RANBP6: variants seen among roughly 807,000 people sequenced by gnomAD.
RANBP6 encodes RAN binding protein 6.
Under a neutral mutation model 35.3 loss-of-function variants are expected in RANBP6, and 10 were observed. The ratio of observed to expected loss-of-function variants is 0.28; its 90% CI spans 0.17 to 0.48. The LOEUF (loss-of-function observed/expected upper bound fraction) is 0.48, where lower values mean the gene tolerates loss of function less well. RANBP6 is among the 20% of genes least tolerant of loss of function. The pLI, the probability that RANBP6 is intolerant of heterozygous loss-of-function variation, is 0.99. For missense variants in RANBP6, 1,392 were observed against 1,307.7 expected, an observed-to-expected ratio of 1.06 and a Z score of -0.99; for synonymous variants, 514 against 464.2, an observed-to-expected ratio of 1.11 and a Z score of -1.38.
chr9:6,013,534 T>C lies in RANBP6; in HGVS notation c.2074A>G (p.Met692Val), dbSNP rs1376165594. Reference protein sequence around the residue: ...GLEAKATACQMLVYYAKELRE... With the variant: ...GLEAKATACQVLVYYAKELRE... ...AACTCCTTAGCATAGTAAACCAACATTTGGCAAGCAGTTGCTTTTGCTTCA... is the reference window on the plus strand; with the variant it reads ...AACTCCTTAGCATAGTAAACCAACACTTGGCAAGCAGTTGCTTTTGCTTCA... Residue 692 changes from methionine to valine, a missense_variant, in exon 1 of 1, where the codon ATG becomes GTG. By Grantham distance (21) the Met-to-Val change is conservative. Coordinates refer to ENST00000259569, the MANE Select transcript of RANBP6 (RefSeq NM_012416.4). The C allele has an allele frequency of 1.2e-6, 2 of 1,614,210 alleles. No homozygotes were observed. Among genetic ancestry groups the C allele is most frequent in the Admixed American group, 1.7e-5 (1 of 60,022 alleles).
In RANBP6 at chr9:6,011,422, A is replaced by G. The variant is rs577176462; in HGVS notation, c.*868T>C. Reference sequence around the variant, plus strand: ...AGGAAATTATTTGAAATAGAAATCAATTTAAGCCCTATAACTAGAGCTTTT... The same window carrying G: ...AGGAAATTATTTGAAATAGAAATCAGTTTAAGCCCTATAACTAGAGCTTTT... On this transcript the variant is annotated 3_prime_UTR_variant, in exon 1 of 1. Transcript: ENST00000259569. 1.2e-4 allele frequency: 18 copies of G among 152,298 alleles called. 1 individual carries two copies. Among genetic ancestry groups the G allele is most frequent in the African/African-American group, 4.1e-4 (17 of 41,568 alleles). 9.4% of individuals were successfully genotyped at this position (152,298 alleles called of 1,614,324 possible).
chr9:6,014,714 G>A lies in RANBP6; in HGVS notation c.894C>T (p.Ala298=). Residue 298 remains alanine (A), a synonymous_variant, in exon 1 of 1, where the codon GCC becomes GCT. Coordinates refer to ENST00000259569, the MANE Select transcript of RANBP6 (RefSeq NM_012416.4). The stretch of plus-strand genomic sequence containing the variant: ...TTGTATGTTTTTTCAACATCGGAGT[G>A]GCAGTTTCAGACAAGGTCACTATAA... ...LEVIVTLSET[A]TPMLKKHTNI... 1.2e-6 allele frequency: 2 copies of A among 1,614,144 alleles called. No homozygotes were observed. Among genetic ancestry groups the A allele is most frequent in the South Asian group, 1.1e-5 (1 of 91,090 alleles).
rs1842507589 is a variant in RANBP6 at position 6,013,245 on chromosome 9, A to G, written c.2363T>C (p.Met788Thr). 1.9e-6 allele frequency: 3 copies of G among 1,614,146 alleles called. No homozygotes were observed. Among genetic ancestry groups the G allele is most frequent in the Middle Eastern group, 1.6e-4 (1 of 6,062 alleles). Residue 788 changes from methionine to threonine, a missense_variant, in exon 1 of 1, where the codon ATG becomes ACG. Transcript: ENST00000259569. ...MNSFAKSIEV[M>T]GDGCLNDEHL... ...TTCATCATTAAGGCAACCATCTCCCATAACTTCAATGGACTTTGCAAAAGA... is the reference window on the plus strand; with the variant it reads ...TTCATCATTAAGGCAACCATCTCCCGTAACTTCAATGGACTTTGCAAAAGA...
chr9:6,012,336 T>A lies in RANBP6; in HGVS notation c.3272A>T (p.Asp1091Val), dbSNP rs765389002. Residue 1091 changes from aspartate (D) to valine (V), a missense_variant, in exon 1 of 1, where the codon GAT becomes GTT. Physicochemically the swap from Asp to Val is radical, Grantham distance 152. Transcript: ENST00000259569. The stretch of plus-strand genomic sequence containing the variant: ...CTGTAAGGCTTCCTGCTGTTCATCA[T>A]CAAGTTGTGATACACATTCCAACCA... ...DLWLECVSQL[D>V]DEQQEALQEL... 13 of 1,596,524 alleles carry A rather than the reference T, an allele frequency of 8.1e-6. No homozygotes were observed. The highest frequency in any genetic ancestry group is 5.4e-5 in the Admixed American group (3 of 55,218).
rs138275330 is a variant in RANBP6, at chr9:6,015,497, T to C, written c.111A>G (p.Ala37=). The C allele has an allele frequency of 6.2e-7, 1 of 1,613,964 alleles. No individual in the cohort carries two copies. Among genetic ancestry groups the C allele is most frequent in the Non-Finnish European group, 8.5e-7 (1 of 1,180,048 alleles). The change falls in exon 1 of 1, where the codon GCA becomes GCG. Residue 37 remains alanine, a synonymous_variant. Transcript: ENST00000259569. ...CTGGGATATTTTCATAGATTTCCTC[T>C]GCTTGCCTCCGCACCATACAGCTTG... is the stretch of plus-strand genomic sequence containing the variant. ...INPSCMVRRQ[A]EEIYENIPGL...
At position 6,012,226 on chromosome 9, in the gene RANBP6, T is replaced by C. The variant is rs1131; in HGVS notation, c.*64A>G. On this transcript the variant is annotated 3_prime_UTR_variant, in exon 1 of 1. Transcript: ENST00000259569. Reference sequence around the variant, plus strand: ...CAGTTCTCTGATTTATAATAAAATCTATTCACAACACTTATTTGTAGTTAC... The same window carrying C: ...CAGTTCTCTGATTTATAATAAAATCCATTCACAACACTTATTTGTAGTTAC... 2 of 1,199,022 alleles carry C rather than the reference T, an allele frequency of 1.7e-6. 1 individual carries two copies. Among genetic ancestry groups the C allele is most frequent in the South Asian group, 3.3e-5 (2 of 60,240 alleles). 74.3% of individuals were successfully genotyped at this position (1,199,022 alleles called of 1,614,324 possible).
Position 6,014,797 on chromosome 9 carries a change from A to C in RANBP6, c.811T>G (p.Leu271Val). ...PYLEDTLQLS[L>V]KLCGDSRLSN... ...AGCCTAGAGTCTCCACATAACTTCA[A>C]ACTCAACTGTAGAGTATCTTCTAAA... Residue 271 changes from leucine to valine, a missense_variant, in exon 1 of 1, where the codon TTG becomes GTG. Coordinates refer to ENST00000259569, the MANE Select transcript of RANBP6 (RefSeq NM_012416.4). 2 of 1,614,162 alleles carry C rather than the reference A, an allele frequency of 1.2e-6. No homozygotes were observed. Among genetic ancestry groups the C allele is most frequent in the South Asian group, 1.1e-5 (1 of 91,084 alleles).
In RANBP6 at chr9:6,014,609, A is replaced by T; in HGVS notation, c.999T>A (p.Asp333Glu). The stretch of plus-strand genomic sequence containing the variant: ...TGTCAAAATCATCTTCTTCCATTTC[A>T]TCAGCATTTACCCAGTCCTCATCAT... Reference protein sequence around the residue: ...LQDDEDWVNADEMEEDDFDSN... With the variant: ...LQDDEDWVNAEEMEEDDFDSN... Residue 333 changes from aspartate to glutamate, a missense_variant, in exon 1 of 1, where the codon GAT becomes GAA. Physicochemically the swap from Asp to Glu is conservative, Grantham distance 45. Coordinates refer to ENST00000259569, the MANE Select transcript of RANBP6 (RefSeq NM_012416.4). 1 of 1,614,156 alleles carries T rather than the reference A, an allele frequency of 6.2e-7. No individual in the cohort carries two copies. The highest frequency in any genetic ancestry group is 8.5e-7 in the Non-Finnish European group (1 of 1,180,036).
In RANBP6 at chr9:6,014,582, G is replaced by A. The variant is rs765840236; in HGVS notation, c.1026C>T (p.Ser342=). The A allele has an allele frequency of 1.9e-6, 3 of 1,614,030 alleles. No homozygotes were observed. The highest frequency in any genetic ancestry group is 2.2e-5 in the East Asian group (1 of 44,892). Residue 342 remains serine (S), a synonymous_variant, in exon 1 of 1, where the codon AGC becomes AGT. Coordinates refer to ENST00000259569, the MANE Select transcript of RANBP6 (RefSeq NM_012416.4). Reference sequence around the variant, plus strand: ...GTGCACTCTCCGCAGCAACTGCATTGCTGTCAAAATCATCTTCTTCCATTT... The same window carrying A: ...GTGCACTCTCCGCAGCAACTGCATTACTGTCAAAATCATCTTCTTCCATTT... ...ADEMEEDDFD[S]NAVAAESALD...
At position 6,011,377 on chromosome 9, in the gene RANBP6, G is replaced by T. The variant is rs1842467064; in HGVS notation, c.*913C>A. On this transcript the variant is annotated 3_prime_UTR_variant, in exon 1 of 1. Coordinates refer to ENST00000259569, the MANE Select transcript of RANBP6 (RefSeq NM_012416.4). ...CACTTTTCCAATAGAATACTCTTCA[G>T]TTCTACTCTAGAATCTCTTAGGAAA... 1 of 152,088 alleles carries T rather than the reference G, an allele frequency of 6.6e-6. No homozygotes were observed. The highest frequency in any genetic ancestry group is 2.4e-5 in the African/African-American group (1 of 41,396). 9.4% of individuals were successfully genotyped at this position (152,088 alleles called of 1,614,324 possible).
Position 6,014,117 on chromosome 9 carries a change from T to C in RANBP6, c.1491A>G (p.Leu497=), listed in dbSNP as rs1402013034. 1.9e-6 allele frequency: 3 copies of C among 1,613,970 alleles called. No homozygotes were observed. Among genetic ancestry groups the C allele is most frequent in the Non-Finnish European group, 2.5e-6 (3 of 1,180,038 alleles). Residue 497 remains leucine, a synonymous_variant, in exon 1 of 1, where the codon CTA becomes CTG. Coordinates refer to ENST00000259569, the MANE Select transcript of RANBP6 (RefSeq NM_012416.4). ...VLYVDSMVKN[L]HSVLVIKLQE... is the part of the protein sequence containing the mutation. ...GAAGTTTAATCACCAAGACGGAATG[T>C]AGATTTTTCACCATACTATCCACAT...
rs2129713106 is a variant in RANBP6, at chr9:6,014,796, A to C, written c.812T>G (p.Leu271Trp). The C allele has an allele frequency of 6.2e-7, 1 of 1,614,154 alleles. No homozygotes were observed. Among genetic ancestry groups the C allele is most frequent in the Non-Finnish European group, 8.5e-7 (1 of 1,180,032 alleles). Residue 271 changes from leucine to tryptophan, a missense_variant, in exon 1 of 1, where the codon TTG becomes TGG. By Grantham distance (61) the Leu-to-Trp change is moderately conservative. Transcript: ENST00000259569. ...AAGCCTAGAGTCTCCACATAACTTCAAACTCAACTGTAGAGTATCTTCTAA... is the reference window on the plus strand; with the variant it reads ...AAGCCTAGAGTCTCCACATAACTTCCAACTCAACTGTAGAGTATCTTCTAA... ...PYLEDTLQLS[L>W]KLCGDSRLSN...
Position 6,013,189 on chromosome 9 carries a change from C to T in RANBP6, c.2419G>A (p.Ala807Thr), listed in dbSNP as rs1842506326. 1.2e-6 allele frequency: 2 copies of T among 1,613,910 alleles called. No individual in the cohort carries two copies. Among genetic ancestry groups the T allele is most frequent in the Non-Finnish European group, 8.5e-7 (1 of 1,179,966 alleles). ...TTTTTAAAGTGCCCTTCAAGTTTTGCTTTCAGTATTCCTCCCAGTTCTTCC... is the reference window on the plus strand; with the variant it reads ...TTTTTAAAGTGCCCTTCAAGTTTTGTTTTCAGTATTCCTCCCAGTTCTTCC... The part of the protein sequence containing the change: ...HLEELGGILK[A>T]KLEGHFKNQE... The change falls in exon 1 of 1, where the codon GCA (alanine) becomes ACA (threonine). Residue 807 changes from alanine (A) to threonine (T), a missense_variant. Physicochemically the swap from Ala to Thr is moderately conservative, Grantham distance 58 (BLOSUM62 0). Coordinates refer to ENST00000259569, the MANE Select transcript of RANBP6 (RefSeq NM_012416.4).
chr9:6,011,652 AC>A lies in RANBP6; in HGVS notation c.*637del, dbSNP rs1295020077. 2 of 152,146 alleles carry A rather than the reference AC, an allele frequency of 1.3e-5. No individual in the cohort carries two copies. The highest frequency in any genetic ancestry group is 2.9e-5 in the Non-Finnish European group (2 of 68,016). The allele number at this position is 152,146 out of a possible 1,614,324, so 9.4% of individuals were successfully genotyped here. On this transcript the variant is annotated 3_prime_UTR_variant, in exon 1 of 1. Transcript: ENST00000259569. Reference sequence around the variant, plus strand: ...TCCTGGATAACTTAAAAAAATAGAGACCTGTCTGGCTAAAGAAATTTAAAAG... The same window carrying A: ...TCCTGGATAACTTAAAAAAATAGAGACTGTCTGGCTAAAGAAATTTAAAAG...
chr9:6,014,509 T>C lies in RANBP6; in HGVS notation c.1099A>G (p.Thr367Ala). Residue 367 changes from threonine to alanine, a missense_variant, in exon 1 of 1, where the codon ACC becomes GCC. Coordinates refer to ENST00000259569, the MANE Select transcript of RANBP6 (RefSeq NM_012416.4). ...GLGGKVVLPM[T>A]KEHIMQMLQS... The stretch of plus-strand genomic sequence containing the variant: ...AGCATCTGCATGATATGCTCCTTGG[T>C]CATTGGTAAAACAACTTTTCCACCA... The C allele has an allele frequency of 1.2e-6, 2 of 1,614,204 alleles. No individual in the cohort carries two copies. Among genetic ancestry groups the C allele is most frequent in the Admixed American group, 1.7e-5 (1 of 60,020 alleles).
At position 6,014,998 on chromosome 9, in the gene RANBP6, C is replaced by A; in HGVS notation, c.610G>T (p.Ala204Ser). The change falls in exon 1 of 1, where the codon GCT becomes TCT. Residue 204 changes from alanine to serine, a missense_variant. By Grantham distance (99) the Ala-to-Ser change is moderately conservative (BLOSUM62 1). Transcript: ENST00000259569. ...HPAIRTLSAR[A>S]AAAFVLANEN... is the part of the protein sequence containing the mutation. ...TTAGCAAGTACAAATGCAGCTGCAG[C>A]TCTAGCGGATAATGTCCTGATTGCT... The A allele has an allele frequency of 6.2e-7, 1 of 1,614,200 alleles. No homozygotes were observed. Among genetic ancestry groups the A allele is most frequent in the Non-Finnish European group, 8.5e-7 (1 of 1,180,036 alleles).
chr9:6,013,840 G>C lies in RANBP6; in HGVS notation c.1768C>G (p.Gln590Glu), dbSNP rs142664485. ...TCTGATTGTGTCTTCAACAACAGCT[G>C]CATCACATTTGATGCATCTTGCATA... ...KFMQDASNVM[Q>E]LLLKTQSDLN... The change falls in exon 1 of 1, where the codon CAG (glutamine) becomes GAG (glutamate). Residue 590 changes from glutamine (Q) to glutamate (E), a missense_variant. Physicochemically the swap from Gln to Glu is conservative, Grantham distance 29. Transcript: ENST00000259569. 6 of 1,613,870 alleles carry C rather than the reference G, an allele frequency of 3.7e-6. No homozygotes were observed. The East Asian group carries it at 1.1e-4, about 30-fold the overall frequency.
chr9:6,014,485 G>A lies in RANBP6; in HGVS notation c.1123C>T (p.Leu375Phe), dbSNP rs755444159. 5.0e-6 allele frequency: 8 copies of A among 1,614,068 alleles called. No individual in the cohort carries two copies. In the African/African-American group the frequency reaches 6.7e-5, roughly 13 times the overall value. ...PMTKEHIMQM[L>F]QSPDWKYRHA... ...CGATACTTCCAGTCAGGGCTCTGAA[G>A]CATCTGCATGATATGCTCCTTGGTC... is the stretch of plus-strand genomic sequence containing the variant. The change falls in exon 1 of 1, where the codon CTT (leucine) becomes TTT (phenylalanine). Residue 375 changes from leucine (L) to phenylalanine (F), a missense_variant. Transcript: ENST00000259569.
Position 6,014,313 on chromosome 9 carries a change from C to G in RANBP6, c.1295G>C (p.Gly432Ala). The change falls in exon 1 of 1, where the codon GGA becomes GCA. Residue 432 changes from glycine (G) to alanine (A), a missense_variant. Gly to Ala is a moderately conservative substitution (Grantham distance 60). Coordinates refer to ENST00000259569, the MANE Select transcript of RANBP6 (RefSeq NM_012416.4). ...AGGTGCAAAATCTGTAGCCATCTGT[C>G]CAAGTGTAGTACAGGCTGCAGCCCT... ...RVRAAACTTL[G>A]QMATDFAPNF... 6.2e-7 allele frequency: 1 copy of G among 1,614,198 alleles called. No homozygotes were observed.
Sources: allele counts gnomAD v4.1 joint callset, GRCh38; gene constraint gnomAD v4.1.1; transcripts MANE v1.5; gene names NCBI Gene and HGNC (gene_info 2026-07-23, HGNC 2026-07-21).